The following TGM4 variants were observed in gnomAD, a reference collection of about 807,000 sequenced individuals.
TGM4 encodes transglutaminase 4, also known as protein-glutamine gamma-glutamyltransferase 4.
TGM4 carries 61 observed loss-of-function variants against 76.3 expected under a neutral mutation model. The ratio of observed to expected loss-of-function variants is 0.80; its 90% CI spans 0.65 to 0.99. TGM4 has a LOEUF of 0.99. Ranked by LOEUF, TGM4 falls within the 50% of genes least tolerant of loss-of-function variation. The pLI is 0.00. For missense variants in TGM4, 794 were observed against 843.2 expected, an observed-to-expected ratio of 0.94 and a Z score of 0.72; for synonymous variants, 337 against 329.8, an observed-to-expected ratio of 1.02 and a Z score of -0.24.
chr3:44,884,465 T>C (rs1212771512), intron 1 of TGM4, among the ~76,000 whole-genome samples: 2 of 152,134 alleles, frequency 1.3e-5, no homozygotes, highest in African/African-American at 4.8e-5. Flanking sequence ...ACTTTTCACT[T>C]TAGCATTGAA....
chr3:44,905,893 G>C (rs1209311616), intron 9 of TGM4, among the ~76,000 whole-genome samples: 4 of 152,212 alleles, frequency 2.6e-5, no homozygotes, highest in Admixed American at 6.5e-5. Context: ...TTTCCATCCA[G>C]GGAGTCTAAG....
chr3:44,899,949 C>T (rs997096732), intron 6 of TGM4, among the ~76,000 whole-genome samples: 1 of 152,170 alleles, frequency 6.6e-6, no homozygotes, highest in Non-Finnish European at 1.5e-5. Flanking sequence ...TCAGAAGTGA[C>T]AGCCATCACT....
At chr3:44,890,109 T>C (rs990316129) in intron 3 of TGM4, among the ~76,000 whole-genome samples, 1 of 152,136 alleles carries the variant, frequency 6.6e-6, no homozygotes, top group Admixed American at 6.5e-5. Context: ...CTGACTATCA[T>C]GAGAACAGCA....
At chr3:44,894,413 T>C (rs1575719246) in intron 5 of TGM4, among the ~76,000 whole-genome samples, 1 of 71,170 alleles carries the variant, frequency 1.4e-5, no homozygotes, top group East Asian at 4.2e-4. Context: ...TCCCACCCCC[T>C]ACCTCCCAGT....
At chr3:44,913,442 G>A in intron 13 of TGM4, 142 bp from the exon 14 acceptor site, 1 of 1,024,362 alleles carries the variant, frequency 9.8e-7, no homozygotes, top group Non-Finnish European at 1.4e-6. Flanking sequence ...CAGGTACACT[G>A]TGCCATGCCC....
chr3:44,898,047 C>T lies in TGM4; in HGVS notation c.657+1231C>T, dbSNP rs562106179. Among the ~76,000 whole-genome samples, 432 of 152,162 alleles carry T rather than the reference C, an allele frequency of 2.8e-3. 1 individual carries two copies. The highest frequency in any genetic ancestry group is 3.7e-3 in the Non-Finnish European group (253 of 68,014). Reference sequence around the variant, plus strand: ...CTGTAATCCCAGCACTTTGGGAGGCCGAGGCAGGCAGATCACGAGGTCAGG... The same window carrying T: ...CTGTAATCCCAGCACTTTGGGAGGCTGAGGCAGGCAGATCACGAGGTCAGG... On this transcript the variant is annotated intron_variant, in intron 6 of 13. Coordinates refer to ENST00000296125, the MANE Select transcript of TGM4 (RefSeq NM_003241.4).
intron 9 of TGM4, 54 bp from the exon 10 acceptor site, chr3:44,906,895 G>A (rs1575726483): frequency 6.3e-7 from 1 of 1,598,082 alleles, no homozygotes; most frequent in East Asian, 2.2e-5. Context: ...CTGGGTCCAG[G>A]CTGGGTGGGC....
intron 1 of TGM4, among the ~76,000 whole-genome samples, chr3:44,882,057 C>CTTTTTTTTTTT (rs60542332): frequency 3.8e-5 from 4 of 104,636 alleles, no homozygotes; most frequent in Non-Finnish European, 7.2e-5. Flanking sequence ...AATACAAACG[C>CTTTTTTTTTTT]TTTTTTTTTT....
chr3:44,906,320 C>T (rs1296912586), intron 9 of TGM4, among the ~76,000 whole-genome samples: 4 of 152,182 alleles, frequency 2.6e-5, no homozygotes, highest in Admixed American at 6.5e-5. Context: ...GACTAATTCT[C>T]ATTAAGTTGT....
At chr3:44,910,419 AT>A in intron 11 of TGM4, 51 bp downstream of exon 11, 1 of 1,578,312 alleles carries the variant, frequency 6.3e-7, no homozygotes, top group Non-Finnish European at 8.6e-7. Flanking sequence ...GGGTCCCACA[AT>A]CTGAAATCCC....
chr3:44,878,250 AAGAGAG>A (rs555383480), intron 1 of TGM4, among the ~76,000 whole-genome samples: 2 of 149,652 alleles, frequency 1.3e-5, no homozygotes, highest in Non-Finnish European at 1.5e-5. Context: ...GAGGGAGAAA[AAGAGAG>A]AGAGAGAGAG....
intron 8 of TGM4, 42 bp from the exon 9 acceptor site, chr3:44,903,842 T>TG (rs1156446816): frequency 6.4e-7 from 1 of 1,573,742 alleles, no homozygotes; most frequent in Admixed American, 1.7e-5. Context: ...TAACTAGGTT[T>TG]GGGGGTGGTC....
At chr3:44,903,163 C>T (rs1699877086) in intron 8 of TGM4, among the ~76,000 whole-genome samples, 1 of 152,146 alleles carries the variant, frequency 6.6e-6, no homozygotes, top group Admixed American at 6.5e-5. Context: ...GAGGTGAAAC[C>T]TGCCTATACT....
intron 9 of TGM4, among the ~76,000 whole-genome samples, chr3:44,906,078 C>A (rs991451782): frequency 2.0e-5 from 3 of 152,180 alleles, no homozygotes; most frequent in African/African-American, 7.2e-5. Flanking sequence ...TGGGGATGCC[C>A]AGGTTCAGTC....
At chr3:44,912,991 AGG>A (rs1456631790) in intron 13 of TGM4, among the ~76,000 whole-genome samples, 1 of 152,250 alleles carries the variant, frequency 6.6e-6, no homozygotes, top group Admixed American at 6.5e-5. Flanking sequence ...TGTTTCTTAC[AGG>A]ATGTCTGAAT....
chr3:44,896,197 C>T (rs1236220195), intron 5 of TGM4, among the ~76,000 whole-genome samples: 2 of 152,128 alleles, frequency 1.3e-5, no homozygotes, highest in South Asian at 2.1e-4. Context: ...CTGCAACCTC[C>T]GCCTCCTGAG....
chr3:44,893,842 G>A, intron 5 of TGM4, 147 bp downstream of exon 5: 2 of 746,684 alleles, frequency 2.7e-6, no homozygotes, highest in Admixed American at 1.9e-5. Flanking sequence ...TGGCCATAGA[G>A]GGGTGACCTG....
At chr3:44,910,732 A>G (rs1699992281) in intron 11 of TGM4, among the ~76,000 whole-genome samples, 1 of 152,206 alleles carries the variant, frequency 6.6e-6, no homozygotes, top group African/African-American at 2.4e-5. Flanking sequence ...TCCTGATGAC[A>G]ACGGGTAATG....
At chr3:44,902,065 C>T (rs981899107) in intron 8 of TGM4, 134 bp downstream of exon 8, 4 of 1,117,568 alleles carry the variant, frequency 3.6e-6, no homozygotes, top group Non-Finnish European at 5.0e-6. Flanking sequence ...CCTGCCTTAG[C>T]CTCCCAGGTA....
Sources: gnomAD v4.1 joint callset for allele counts (sites outside exome capture counted in the v4.1 genomes callset) on GRCh38, gnomAD v4.1.1 for gene constraint, MANE v1.5 for transcripts, NCBI Gene and HGNC (gene_info 2026-07-23, HGNC 2026-07-21) for gene names.